Variants in SPOCK3 observed in about 807,000 individuals in gnomAD.
The protein encoded by SPOCK3 is testican-3.
SPOCK3 carries 30 observed loss-of-function variants against 56.6 expected under a neutral mutation model. That is an observed-to-expected ratio of 0.53 (90% CI 0.40 to 0.72). The LOEUF is 0.72. Among genes scored for constraint, SPOCK3 ranks in the 30% least tolerant of loss-of-function variants. The probability of loss-of-function intolerance (pLI) is 0.00; values close to 1 mark genes in which losing one functional copy is unlikely to be tolerated. For synonymous variants in SPOCK3, 196 were observed against 183.3 expected (o/e 1.07, Z -0.56); for missense variants, 527 against 530.0 (o/e 0.99, Z 0.06).
At chr4:166,849,718 A>C (rs1748483495) in intron 6 of SPOCK3, among the ~76,000 whole-genome samples, 1 of 152,162 alleles carries the variant, frequency 6.6e-6, no homozygotes, top group Non-Finnish European at 1.5e-5. Context: ...GCAAAACTGC[A>C]ACTCTGTACT....
At chr4:166,824,900 G>A (rs769833445) in intron 6 of SPOCK3, among the ~76,000 whole-genome samples, 2 of 152,060 alleles carry the variant, frequency 1.3e-5, no homozygotes, top group Admixed American at 6.6e-5. Flanking sequence ...CAGTTGTATT[G>A]CCAGTGGGGA....
intron 3 of SPOCK3, among the ~76,000 whole-genome samples, chr4:167,034,943 A>C (rs1752606556): frequency 6.6e-6 from 1 of 152,140 alleles, no homozygotes; most frequent in Non-Finnish European, 1.5e-5. Flanking sequence ...ATGTGTGTTC[A>C]AGTATATTCT....
chr4:166,985,039 C>G (rs527991817), intron 4 of SPOCK3, among the ~76,000 whole-genome samples: 4 of 152,034 alleles, frequency 2.6e-5, no homozygotes, highest in African/African-American at 9.7e-5. Context: ...TGGTGAGATA[C>G]TTTAGCTTCC....
intron 6 of SPOCK3, among the ~76,000 whole-genome samples, chr4:166,813,672 T>C (rs1744082549): frequency 2.6e-5 from 4 of 151,788 alleles, no homozygotes; most frequent in Admixed American, 2.6e-4. Flanking sequence ...AAAATATATA[T>C]TTTATATTGC....
intron 6 of SPOCK3, among the ~76,000 whole-genome samples, chr4:166,835,661 CT>C (rs1746531468): frequency 6.6e-6 from 1 of 152,068 alleles, no homozygotes; most frequent in African/African-American, 2.4e-5. Flanking sequence ...TTTGTAGACA[CT>C]TTTTCTTCAT....
At chr4:166,832,823 T>G (rs191932381) in intron 6 of SPOCK3, among the ~76,000 whole-genome samples, 1 of 152,308 alleles carries the variant, frequency 6.6e-6, no homozygotes, top group East Asian at 1.9e-4. Context: ...ATAGTGCATA[T>G]TCTCACTTAT....
At chr4:166,909,121 A>AT (rs1736967232) in intron 5 of SPOCK3, among the ~76,000 whole-genome samples, 1 of 152,000 alleles carries the variant, frequency 6.6e-6, no homozygotes, top group Non-Finnish European at 1.5e-5. Context: ...ATGTCCCAAG[A>AT]TTTTTTCAAG....
chr4:167,178,187 G>T (rs1731146525), intron 2 of SPOCK3, among the ~76,000 whole-genome samples: 2 of 152,156 alleles, frequency 1.3e-5, no homozygotes, highest in Non-Finnish European at 2.9e-5. Flanking sequence ...GAGGTATGAT[G>T]CTGTGAATGC....
chr4:166,942,243 G>T (rs1194245769), intron 4 of SPOCK3, among the ~76,000 whole-genome samples: 1 of 151,316 alleles, frequency 6.6e-6, no homozygotes, highest in African/African-American at 2.4e-5. Context: ...ATGGAGTCTT[G>T]CTCTGTCACT....
chr4:167,052,200 T>A lies in SPOCK3; in HGVS notation c.235+10292A>T, dbSNP rs947000669. Among the ~76,000 whole-genome samples the A allele has an allele frequency of 2.6e-5, 4 of 152,232 alleles. No individual in the cohort carries two copies. In the East Asian group the frequency reaches 7.7e-4, roughly 29 times the overall value. The stretch of plus-strand genomic sequence containing the variant: ...ATGGTGTAAAACAAATAAAACACCA[T>A]CATTGTATAAAGAAGTAAGAATTGG... On this transcript the variant is annotated intron_variant, in intron 3 of 10. Coordinates refer to ENST00000357545, the MANE Select transcript of SPOCK3 (RefSeq NM_001040159.2).
rs147053859 is a variant in SPOCK3 at position 166,810,170 on chromosome 4, T to A, written c.590-17881A>T. Among the ~76,000 whole-genome samples, 592 of 152,210 alleles carry A rather than the reference T, an allele frequency of 3.9e-3. 3 individuals carry two copies. Among genetic ancestry groups the A allele is most frequent in the African/African-American group, 0.014 (565 of 41,532 alleles). ...CACAAATCCAAATGTGTCTTGTCCTTTATTGCAGTAAGCCAATCAACCTCC... is the reference window on the plus strand; with the variant it reads ...CACAAATCCAAATGTGTCTTGTCCTATATTGCAGTAAGCCAATCAACCTCC... On this transcript the variant is annotated intron_variant, in intron 6 of 10. Coordinates refer to ENST00000357545, the MANE Select transcript of SPOCK3 (RefSeq NM_001040159.2).
chr4:167,025,221 C>T (rs58139106), intron 3 of SPOCK3, among the ~76,000 whole-genome samples: 51,610 of 141,948 alleles, frequency 0.36, 11,549 homozygotes, highest in African/African-American at 0.66. Context: ...CCACTGAATG[C>T]TTTTTTTTTT....
chr4:167,119,826 C>A lies in SPOCK3; in HGVS notation c.190-57289G>T, dbSNP rs566774591. 3.0e-5 allele frequency: 46 copies of A among 1,534,448 alleles called. No individual in the cohort carries two copies. The East Asian group carries it at 1.1e-3, about 37-fold the overall frequency. On this transcript the variant is annotated intron_variant, in intron 2 of 10. Coordinates refer to ENST00000357545, the MANE Select transcript of SPOCK3 (RefSeq NM_001040159.2). ...AGCCCAGAAGACATGTGGATGTGATCTTGTGTGATCATCACTACTGTCCTG... is the reference window on the plus strand; with the variant it reads ...AGCCCAGAAGACATGTGGATGTGATATTGTGTGATCATCACTACTGTCCTG...
chr4:166,749,763 G>A (rs953340869), intron 8 of SPOCK3, among the ~76,000 whole-genome samples: 1 of 151,898 alleles, frequency 6.6e-6, no homozygotes, highest in Admixed American at 6.6e-5. Flanking sequence ...TGTTATTCCT[G>A]ATAATCTTCT....
At chr4:167,150,924 C>G (rs562486811) in intron 2 of SPOCK3, among the ~76,000 whole-genome samples, 72 of 152,154 alleles carry the variant, frequency 4.7e-4, no homozygotes, top group Non-Finnish European at 6.8e-4. Context: ...TAAGCATGTC[C>G]TTTATTTTAA....
chr4:166,893,166 C>A (rs1186386873), intron 5 of SPOCK3, among the ~76,000 whole-genome samples: 1 of 152,056 alleles, frequency 6.6e-6, no homozygotes, highest in Admixed American at 6.6e-5. Flanking sequence ...CCTGCCAGAA[C>A]AAAGATTTAT....
intron 6 of SPOCK3, among the ~76,000 whole-genome samples, chr4:166,877,967 A>G (rs1471207500): frequency 6.6e-6 from 1 of 152,106 alleles, no homozygotes; most frequent in African/African-American, 2.4e-5. Context: ...AATATGAAAA[A>G]TGCTACCAGG....
At chr4:167,160,727 A>T (rs995499215) in intron 2 of SPOCK3, among the ~76,000 whole-genome samples, 2 of 152,168 alleles carry the variant, frequency 1.3e-5, no homozygotes, top group African/African-American at 4.8e-5. Context: ...AGCCCTCAGA[A>T]ATAATGCCAC....
chr4:166,859,540 A>G (rs1731026495), intron 6 of SPOCK3, among the ~76,000 whole-genome samples: 1 of 152,124 alleles, frequency 6.6e-6, no homozygotes, highest in Non-Finnish European at 1.5e-5. Flanking sequence ...AACATATGAT[A>G]AACAGTGACT....
Sources: gnomAD v4.1 joint callset for allele counts (sites outside exome capture counted in the v4.1 genomes callset) on GRCh38, gnomAD v4.1.1 for gene constraint, MANE v1.5 for transcripts, NCBI Gene and HGNC (gene_info 2026-07-23, HGNC 2026-07-21) for gene names.